DPYD: variants seen among roughly 807,000 people sequenced by gnomAD.
DPYD encodes dihydropyrimidine dehydrogenase.
Under a neutral mutation model 116.2 loss-of-function variants are expected in DPYD, and 109 were observed. The ratio of observed to expected loss-of-function variants is 0.94; its 90% CI spans 0.80 to 1.10. The LOEUF (loss-of-function observed/expected upper bound fraction) is 1.10. Among genes scored for constraint, DPYD ranks in the 50% least tolerant of loss-of-function variants. DPYD has a pLI of 0.00. For missense variants in DPYD, 1,302 were observed against 1,254.5 expected, an observed-to-expected ratio of 1.04 and a Z score of -0.57; for synonymous variants, 440 against 432.0, an observed-to-expected ratio of 1.02 and a Z score of -0.23.
chr1:97,637,993 T>C (rs1157936002), intron 8 of DPYD, among the ~76,000 whole-genome samples: 1 of 152,116 alleles, frequency 6.6e-6, no homozygotes, highest in African/African-American at 2.4e-5. Flanking sequence ...GATGAGCCCT[T>C]GGTGTTCACT....
chr1:97,817,589 C>T (rs980083827), intron 3 of DPYD, among the ~76,000 whole-genome samples: 1 of 151,870 alleles, frequency 6.6e-6, no homozygotes, highest in Non-Finnish European at 1.5e-5. Context: ...ATAAAAAATG[C>T]CAACGTGCTT....
intron 5 of DPYD, among the ~76,000 whole-genome samples, chr1:97,703,097 T>C (rs1411276543): frequency 1.3e-5 from 2 of 152,016 alleles, no homozygotes; most frequent in African/African-American, 2.4e-5. Context: ...AATACACTAA[T>C]CTATCAATTG....
intron 2 of DPYD, among the ~76,000 whole-genome samples, chr1:97,880,440 A>G (rs972607015): frequency 1.3e-5 from 2 of 151,902 alleles, no homozygotes; most frequent in African/African-American, 4.8e-5. Context: ...GAAGAGGATA[A>G]TAACAAATAC....
chr1:97,574,011 C>T, intron 10 of DPYD, 41 bp from the exon 11 acceptor site: 5 of 1,605,964 alleles, frequency 3.1e-6, no homozygotes, highest in Non-Finnish European at 4.3e-6. Context: ...GAAAATGTTT[C>T]TTATTCCACA....
At chr1:97,772,599 T>C (rs1666201634) in intron 3 of DPYD, among the ~76,000 whole-genome samples, 1 of 152,160 alleles carries the variant, frequency 6.6e-6, no homozygotes, top group Admixed American at 6.5e-5. Flanking sequence ...CAAAATAGGC[T>C]GACTTGTGAA....
At chr1:97,428,470 A>T (rs1357960103) in intron 14 of DPYD, among the ~76,000 whole-genome samples, 2 of 152,238 alleles carry the variant, frequency 1.3e-5, no homozygotes, top group African/African-American at 4.8e-5. Flanking sequence ...AATGAATCAG[A>T]TACTATAGGA....
intron 15 of DPYD, among the ~76,000 whole-genome samples, chr1:97,381,604 G>T (rs1671972207): frequency 6.6e-6 from 1 of 152,094 alleles, no homozygotes; most frequent in African/African-American, 2.4e-5. Flanking sequence ...CAAATAAAAT[G>T]TATAATCAAC....
intron 13 of DPYD, among the ~76,000 whole-genome samples, chr1:97,483,599 G>A (rs77690376): frequency 0.025 from 3,807 of 152,090 alleles, 365 homozygotes; most frequent in East Asian, 0.24. Flanking sequence ...CATGGCACAC[G>A]TTTACCTATG....
At chr1:97,394,480 A>T (rs951471943) in intron 14 of DPYD, 29 of 152,190 alleles carry the variant, frequency 1.9e-4, no homozygotes, top group African/African-American at 7.0e-4. Flanking sequence ...GTATTTATCA[A>T]TTAAGTTTTC....
chr1:97,226,762 A>G (rs867691831), intron 19 of DPYD, among the ~76,000 whole-genome samples: 8 of 152,204 alleles, frequency 5.3e-5, no homozygotes, highest in South Asian at 2.1e-4. Flanking sequence ...ATGTTCAAGG[A>G]CTGGAAGAAT....
In DPYD at chr1:97,868,268, G is replaced by A. The variant is rs553867568; in HGVS notation, c.150+14996C>T. Among the ~76,000 whole-genome samples the A allele has an allele frequency of 1.8e-4, 27 of 151,710 alleles. No homozygotes were observed. The East Asian group carries it at 3.7e-3, about 21-fold the overall frequency. On this transcript the variant is annotated intron_variant, in intron 2 of 22. Transcript: ENST00000370192. ...TTGTCAGAATCTAAATGGAGTCAACGGCATTAAATACCTTGACAAATGGGG... is the reference window on the plus strand; with the variant it reads ...TTGTCAGAATCTAAATGGAGTCAACAGCATTAAATACCTTGACAAATGGGG...
intron 3 of DPYD, among the ~76,000 whole-genome samples, chr1:97,773,931 C>T (rs538922105): frequency 2.6e-5 from 4 of 152,164 alleles, no homozygotes; most frequent in Non-Finnish European, 5.9e-5. Context: ...GCCCCTCTGT[C>T]CTTGTGATAA....
At chr1:97,771,504 A>C (rs537992379) in intron 3 of DPYD, among the ~76,000 whole-genome samples, 11 of 152,352 alleles carry the variant, frequency 7.2e-5, no homozygotes, top group African/African-American at 2.6e-4. Flanking sequence ...GAAATTAACA[A>C]AAAAGCATAT....
At chr1:97,278,159 T>G (rs1187915148) in intron 18 of DPYD, among the ~76,000 whole-genome samples, 1 of 152,230 alleles carries the variant, frequency 6.6e-6, no homozygotes, top group Non-Finnish European at 1.5e-5. Context: ...GATTGCAGCT[T>G]AATATTTTCC....
chr1:97,887,923 T>C (rs1479997534), intron 1 of DPYD, among the ~76,000 whole-genome samples: 1 of 152,190 alleles, frequency 6.6e-6, no homozygotes, highest in Admixed American at 6.5e-5. Context: ...CCTGCTGTCA[T>C]GTGAAGAAGG....
chr1:97,667,520 C>T (rs936806772), intron 8 of DPYD, among the ~76,000 whole-genome samples: 1 of 152,088 alleles, frequency 6.6e-6, no homozygotes, highest in Non-Finnish European at 1.5e-5. Flanking sequence ...ATACTACTTA[C>T]ATCCATTAGG....
At chr1:97,425,961 A>C (rs745426567) in intron 14 of DPYD, among the ~76,000 whole-genome samples, 10 of 152,154 alleles carry the variant, frequency 6.6e-5, no homozygotes, top group Middle Eastern at 6.8e-3. Context: ...TAAAAAAAAA[A>C]AACAACATTT....
chr1:97,726,086 A>G (rs537061616), intron 4 of DPYD, among the ~76,000 whole-genome samples: 1 of 151,756 alleles, frequency 6.6e-6, no homozygotes, highest in East Asian at 1.9e-4. Context: ...TAGATTATAT[A>G]CAAAACTAGG....
chr1:97,130,379 A>G (rs1024484883), intron 20 of DPYD, among the ~76,000 whole-genome samples: 1 of 152,138 alleles, frequency 6.6e-6, no homozygotes, highest in Non-Finnish European at 1.5e-5. Context: ...AGGGAATCCT[A>G]CCAGAAGGAG....
Sources: allele counts gnomAD v4.1 joint callset (sites outside exome capture counted in the v4.1 genomes callset), GRCh38; gene constraint gnomAD v4.1.1; transcripts MANE v1.5; gene names NCBI Gene and HGNC (gene_info 2026-07-23, HGNC 2026-07-21).